The following PDE11A variants were observed in gnomAD, a reference collection of about 807,000 sequenced individuals.
PDE11A encodes the protein dual 3',5'-cyclic-AMP and -GMP phosphodiesterase 11A.
PDE11A carries 100 observed loss-of-function variants against 100.5 expected under a neutral mutation model. That is an observed-to-expected ratio of 1.00 (90% CI 0.85 to 1.18). The LOEUF is 1.18. Ranked by LOEUF, PDE11A falls within the 50% of genes most tolerant of loss-of-function variation. PDE11A has a pLI of 0.00. For synonymous variants in PDE11A, 381 were observed against 420.8 expected, an observed-to-expected ratio of 0.91 and a Z score of 1.16; for missense variants, 1,141 against 1,152.6, an observed-to-expected ratio of 0.99 and a Z score of 0.15.
At chr2:177,944,727 G>A (rs1024072005) in intron 2 of PDE11A, among the ~76,000 whole-genome samples, 1 of 151,904 alleles carries the variant, frequency 6.6e-6, no homozygotes, top group African/African-American at 2.4e-5. Flanking sequence ...GCCGAGGTGC[G>A]GGCTGTGAGA....
At chr2:177,768,753 C>A (rs2082271717) in intron 10 of PDE11A, among the ~76,000 whole-genome samples, 1 of 152,182 alleles carries the variant, frequency 6.6e-6, no homozygotes, top group African/African-American at 2.4e-5. Flanking sequence ...TTAAGAACTC[C>A]AGTTCTGGGA....
Position 178,080,261 on chromosome 2 carries a change from G to A in PDE11A, c.162+24041C>T, listed in dbSNP as rs997853529. Among the ~76,000 whole-genome samples the A allele has an allele frequency of 3.3e-5, 5 of 152,212 alleles. No homozygotes were observed. The East Asian group carries it at 9.6e-4, about 29-fold the overall frequency. ...ATGGTATTGCTTAGATTTTCTTCTA[G>A]GGTTTTTATGGTTTTGGGTTTTACA... On this transcript the variant is annotated intron_variant, in intron 2 of 20. Coordinates refer to the PDE11A transcript ENST00000358450.
At chr2:178,033,415 T>C (rs868451823) in intron 1 of PDE11A, among the ~76,000 whole-genome samples, 7 of 152,144 alleles carry the variant, frequency 4.6e-5, no homozygotes, top group African/African-American at 1.4e-4. Context: ...GGACCAAACA[T>C]ATGATTGATT....
chr2:178,064,763 A>G (rs2087021554), intron 1 of PDE11A, among the ~76,000 whole-genome samples: 1 of 152,064 alleles, frequency 6.6e-6, no homozygotes, highest in African/African-American at 2.4e-5. Flanking sequence ...GTTTTAATTC[A>G]GCCTGGGCAA....
At position 177,626,670 on chromosome 2, in the gene PDE11A, C is replaced by T. The variant is rs6723063; in HGVS notation, c.*2737G>A. On this transcript the variant is annotated 3_prime_UTR_variant, in exon 20 of 20. Transcript: ENST00000286063. ...CTTACCTGCTCTGCAGAGGCAGTTT[C>T]TTCCTGCATTCATTTCCCCCTCTAC... 131,555 of 152,600 alleles carry T rather than the reference C, an allele frequency of 0.86. 56,869 individuals are homozygous for T. The highest frequency in any genetic ancestry group is 0.98 in the East Asian group (5,056 of 5,172). 9.5% of individuals were successfully genotyped at this position (152,600 alleles called of 1,614,324 possible).
chr2:178,015,441 T>A (rs903344215), intron 1 of PDE11A, among the ~76,000 whole-genome samples: 3 of 152,142 alleles, frequency 2.0e-5, no homozygotes, highest in Non-Finnish European at 4.4e-5. Flanking sequence ...AAAGTTTTTT[T>A]AAATAAATAT....
At chr2:177,688,784 T>C (rs1009059388) in intron 15 of PDE11A, among the ~76,000 whole-genome samples, 4 of 152,244 alleles carry the variant, frequency 2.6e-5, no homozygotes, top group Non-Finnish European at 5.9e-5. Context: ...CGGCTAAAAT[T>C]ACCTTCAAAA....
chr2:177,837,594 G>A (rs1383214603), intron 6 of PDE11A, among the ~76,000 whole-genome samples: 1 of 151,754 alleles, frequency 6.6e-6, no homozygotes, highest in Non-Finnish European at 1.5e-5. Context: ...GTACTTTCAA[G>A]TTAATAGCTG....
Position 177,710,317 on chromosome 2 carries a change from A to G in PDE11A, c.2153+1452T>C, listed in dbSNP as rs561275431. On this transcript the variant is annotated intron_variant, in intron 13 of 19. Transcript: ENST00000286063. The stretch of plus-strand genomic sequence containing the variant: ...AGAGAATTCTCGATTGATGGCCTCA[A>G]TTTTCTCCGTGAAGTAGGAGGCAAG... Among the ~76,000 whole-genome samples, 8 of 151,362 alleles carry G rather than the reference A, an allele frequency of 5.3e-5. No homozygotes were observed. The South Asian group carries it at 1.7e-3, about 32-fold the overall frequency.
At chr2:177,769,885 C>CAAAAAAA (rs10572990) in intron 9 of PDE11A, among the ~76,000 whole-genome samples, 1 of 70,876 alleles carries the variant, frequency 1.4e-5, no homozygotes, top group Non-Finnish European at 2.7e-5. Flanking sequence ...AAGACCCTAT[C>CAAAAAAA]AAAAAAAAAA....
chr2:177,917,796 T>G (rs1431417106), intron 2 of PDE11A, among the ~76,000 whole-genome samples: 5 of 152,316 alleles, frequency 3.3e-5, no homozygotes, highest in African/African-American at 1.2e-4. Flanking sequence ...TATCTTTTTT[T>G]TAATTTCCAA....
chr2:177,805,041 A>G (rs910766226), intron 9 of PDE11A, among the ~76,000 whole-genome samples: 3 of 151,758 alleles, frequency 2.0e-5, no homozygotes, highest in South Asian at 2.1e-4. Flanking sequence ...TAATATATCC[A>G]TGTAAGAAAT....
At chr2:177,859,973 T>G (rs970295372) in intron 5 of PDE11A, among the ~76,000 whole-genome samples, 8 of 151,746 alleles carry the variant, frequency 5.3e-5, no homozygotes, top group Non-Finnish European at 1.2e-4. Flanking sequence ...TAGAAAGAAA[T>G]GTATGGCTAT....
intron 5 of PDE11A, among the ~76,000 whole-genome samples, chr2:177,848,713 G>T (rs1037366803): frequency 1.3e-5 from 2 of 152,146 alleles, no homozygotes; most frequent in African/African-American, 4.8e-5. Context: ...GGCCGGTGAG[G>T]TATATATAAA....
Position 177,656,251 on chromosome 2 carries a change from C to A in PDE11A, c.2646+7615G>T, listed in dbSNP as rs2080381678. 2.6e-5 allele frequency among the ~76,000 whole-genome samples: 4 copies of A among 152,082 alleles called. No homozygotes were observed. The South Asian group carries it at 8.3e-4, about 32-fold the overall frequency. On this transcript the variant is annotated intron_variant, in intron 19 of 19. Coordinates refer to ENST00000286063, the MANE Select transcript of PDE11A (RefSeq NM_016953.4). ...TTATAATATCATATTTCTACTGTAC[C>A]TTTTCTATATGTTTAGATGCACAAA...
intron 3 of PDE11A, among the ~76,000 whole-genome samples, chr2:177,901,385 C>A (rs555497125): frequency 1.3e-5 from 2 of 152,290 alleles, no homozygotes; most frequent in South Asian, 4.1e-4. Context: ...AACTCTGATC[C>A]AGGGAGACTG....
In PDE11A at chr2:177,623,779, A is replaced by G. The variant is rs1042256027; in HGVS notation, c.*5628T>C. ...GTGTACTAGCGTATACAAAAATGAC[A>G]TTGGTGTAGTTATGTTATACAGATA... On this transcript the variant is annotated 3_prime_UTR_variant, in exon 20 of 20. Coordinates refer to ENST00000286063, the MANE Select transcript of PDE11A (RefSeq NM_016953.4). The G allele has an allele frequency of 6.6e-6, 1 of 152,208 alleles. No individual in the cohort carries two copies. The highest frequency in any genetic ancestry group is 2.4e-5 in the African/African-American group (1 of 41,444). The allele number at this position is 152,208 out of a possible 1,614,324, so 9.4% of individuals were successfully genotyped here.
intron 1 of PDE11A, among the ~76,000 whole-genome samples, chr2:178,033,383 G>A (rs577269672): frequency 1.3e-5 from 2 of 152,220 alleles, no homozygotes; most frequent in Admixed American, 6.5e-5. Context: ...AAAGCATCCA[G>A]GAAATATGGG....
chr2:177,723,255 A>C (rs2081554917), intron 12 of PDE11A: 1 of 152,120 alleles, frequency 6.6e-6, no homozygotes, highest in Non-Finnish European at 1.5e-5. Flanking sequence ...TCTAGTTTGA[A>C]TTATCAATAA....
Sources: allele counts gnomAD v4.1 joint callset (sites outside exome capture counted in the v4.1 genomes callset), GRCh38; gene constraint gnomAD v4.1.1; transcripts MANE v1.5; gene names NCBI Gene and HGNC (gene_info 2026-07-23, HGNC 2026-07-21).